Variants in TMEM132B observed in about 807,000 individuals in gnomAD.
TMEM132B encodes transmembrane protein 132B.
A neutral mutation model predicts 90.8 loss-of-function variants in TMEM132B; 18 were observed. The observed-to-expected ratio is 0.20, with a 90% CI of 0.14 to 0.29. The LOEUF is 0.29. Ranked by LOEUF, TMEM132B falls within the 10% of genes least tolerant of loss-of-function variation. The pLI, the probability that TMEM132B is intolerant of heterozygous loss-of-function variation, is 1.00. For missense variants in TMEM132B, 1,096 were observed against 1,326.8 expected (o/e 0.83, Z 2.70); for synonymous variants, 504 against 523.3 (o/e 0.96, Z 0.50).
At chr12:125,539,024 C>T (rs1034955243) in intron 4 of TMEM132B, among the ~76,000 whole-genome samples, 1 of 152,180 alleles carries the variant, frequency 6.6e-6, no homozygotes. Context: ...CTGTCCTGGC[C>T]TCCTGCCTGG....
In TMEM132B at chr12:125,406,461, G is replaced by A. The variant is rs571608937; in HGVS notation, c.960-9070G>A. 9.8e-5 allele frequency among the ~76,000 whole-genome samples: 15 copies of A among 152,316 alleles called. No individual in the cohort carries two copies. The highest frequency in any genetic ancestry group is 2.1e-4 in the Non-Finnish European group (14 of 68,026). ...TGAAATGGGTACCGGGGAAAGGTGA[G>A]CCACAGTCTCAGTCTGTGGCCAAAA... On this transcript the variant is annotated intron_variant, in intron 2 of 8. Coordinates refer to ENST00000682704, the MANE Select transcript of TMEM132B (RefSeq NM_001366854.1). The surrounding 1 kb of genome is among the most constrained non-coding windows in gnomAD (Gnocchi z 8.3).
chr12:125,583,079 A>G (rs1055354670), intron 4 of TMEM132B, among the ~76,000 whole-genome samples: 24 of 152,336 alleles, frequency 1.6e-4, no homozygotes, highest in Admixed American at 5.9e-4. Context: ...TTTTGTTGTA[A>G]AGAGAATGAA....
chr12:125,589,230 C>T (rs1338337095), intron 5 of TMEM132B, among the ~76,000 whole-genome samples: 2 of 151,962 alleles, frequency 1.3e-5, no homozygotes, highest in East Asian at 3.9e-4. Context: ...CGCCTGTAAT[C>T]CCAGCACTTT....
chr12:125,621,422 A>G (rs1052480528), intron 5 of TMEM132B, among the ~76,000 whole-genome samples: 1 of 152,118 alleles, frequency 6.6e-6, no homozygotes, highest in Non-Finnish European at 1.5e-5. Flanking sequence ...TGTTAGGTGC[A>G]TGTTGGTGGG....
At chr12:125,376,160 C>T (rs918575349) in intron 2 of TMEM132B, among the ~76,000 whole-genome samples, 1 of 152,194 alleles carries the variant, frequency 6.6e-6, no homozygotes, top group Admixed American at 6.5e-5. Flanking sequence ...AAATGAGAGC[C>T]CACATCCCAG....
chr12:125,633,375 T>G (rs777214697), intron 5 of TMEM132B, among the ~76,000 whole-genome samples: 1 of 152,264 alleles, frequency 6.6e-6, no homozygotes, highest in Non-Finnish European at 1.5e-5. Flanking sequence ...CTATTTTGAA[T>G]TCTGTGTCTG....
chr12:125,658,757 C>A lies in TMEM132B; in HGVS notation c.*4047C>A, dbSNP rs1278770199. 1.3e-5 allele frequency: 2 copies of A among 152,106 alleles called. No individual in the cohort carries two copies. The highest frequency in any genetic ancestry group is 2.9e-5 in the Non-Finnish European group (2 of 68,016). The allele number at this position is 152,106 out of a possible 1,614,324, so 9.4% of individuals were successfully genotyped here. A position where few individuals can be genotyped will look rare whatever the true frequency, so the allele number is the denominator to read the frequency against. ...CTTTTAAATGTACAGACATCCCACT[C>A]AAAAATATCTAAACTGATAGTGGGA... On this transcript the variant is annotated 3_prime_UTR_variant, in exon 9 of 9. Transcript: ENST00000682704.
At chr12:125,617,344 C>CT (rs772003323) in intron 5 of TMEM132B, among the ~76,000 whole-genome samples, 707 of 135,154 alleles carry the variant, frequency 5.2e-3, no homozygotes, top group East Asian at 0.012. Context: ...TTTCACTGCC[C>CT]TTTTTTTTTT....
chr12:125,339,091 T>C (rs1203024357), intron 1 of TMEM132B, among the ~76,000 whole-genome samples: 1 of 152,184 alleles, frequency 6.6e-6, no homozygotes, highest in Non-Finnish European at 1.5e-5. Context: ...CATGGGCAAC[T>C]TGACCATATG....
intron 1 of TMEM132B, among the ~76,000 whole-genome samples, chr12:125,340,673 G>A (rs536396219): frequency 1.3e-5 from 2 of 152,282 alleles, no homozygotes; most frequent in South Asian, 2.1e-4. Context: ...TAAAAGCCTT[G>A]CCTGGTTTGG....
intron 3 of TMEM132B, among the ~76,000 whole-genome samples, chr12:125,473,990 A>G (rs1881790123): frequency 1.3e-5 from 2 of 151,518 alleles, no homozygotes; most frequent in Non-Finnish European, 2.9e-5. Flanking sequence ...TTTTTAAACT[A>G]ATTCCAAGAT....
rs1229779781 is a variant in TMEM132B, at chr12:125,445,175, T to C, written c.1106+29498T>C. Among the ~76,000 whole-genome samples the C allele has an allele frequency of 6.6e-6, 1 of 152,192 alleles. No homozygotes were observed. Among genetic ancestry groups the C allele is most frequent in the Non-Finnish European group, 1.5e-5 (1 of 68,042 alleles). On this transcript the variant is annotated intron_variant, in intron 3 of 8. Transcript: ENST00000682704. This position sits in a 1 kb window ranked among gnomAD's most constrained non-coding sequence, Gnocchi z 4.3. ...CCTCTCCAATGGAAAAAAAAAACTTTTCAGATATTTATTAATCATTTGTAT... is the reference window on the plus strand; with the variant it reads ...CCTCTCCAATGGAAAAAAAAAACTTCTCAGATATTTATTAATCATTTGTAT...
At chr12:125,574,714 G>T (rs781014840) in intron 4 of TMEM132B, among the ~76,000 whole-genome samples, 1 of 151,966 alleles carries the variant, frequency 6.6e-6, no homozygotes, top group African/African-American at 2.4e-5. Flanking sequence ...GTCAAAAAGG[G>T]TGTTGAAGAT....
intron 1 of TMEM132B, among the ~76,000 whole-genome samples, chr12:125,230,591 T>C (rs11836944): frequency 0.037 from 5,652 of 151,624 alleles, 131 homozygotes; most frequent in Non-Finnish European, 0.049. Flanking sequence ...TGCCATTCTC[T>C]TGCCTCAGCC....
chr12:125,480,607 G>A (rs1434743325), intron 3 of TMEM132B, among the ~76,000 whole-genome samples: 1 of 152,154 alleles, frequency 6.6e-6, no homozygotes, highest in Admixed American at 6.5e-5. Flanking sequence ...TGAAATTGAG[G>A]CAATAATTAA....
intron 1 of TMEM132B, among the ~76,000 whole-genome samples, chr12:125,325,299 C>T (rs773167550): frequency 6.6e-6 from 1 of 152,080 alleles, no homozygotes; most frequent in African/African-American, 2.4e-5. Context: ...TTTGATGCCC[C>T]TAGAATGCAT....
chr12:125,567,884 TACAC>T (rs1449849486), intron 4 of TMEM132B, among the ~76,000 whole-genome samples: 1 of 152,130 alleles, frequency 6.6e-6, no homozygotes, highest in Non-Finnish European at 1.5e-5. Flanking sequence ...AATTAGAGAA[TACAC>T]ACGTAATTAT....
chr12:125,599,687 T>G (rs1885526618), intron 5 of TMEM132B, among the ~76,000 whole-genome samples: 1 of 152,146 alleles, frequency 6.6e-6, no homozygotes, highest in South Asian at 2.1e-4. Flanking sequence ...AGTTTTTGTT[T>G]TAGATGTTAA....
At chr12:125,210,533 ACAGGAGGCAGACTC>A (rs1283478496) in intron 1 of TMEM132B, among the ~76,000 whole-genome samples, 41 of 152,002 alleles carry the variant, frequency 2.7e-4, no homozygotes, top group African/African-American at 9.7e-4. Context: ...CTGTTGTGGT[ACAGGAGGCAGACTC>A]ATGTGGGTAG....
Sources: gnomAD v4.1 joint callset for allele counts (sites outside exome capture counted in the v4.1 genomes callset) on GRCh38, gnomAD v4.1.1 for gene constraint, Gnocchi (gnomAD v3.1) non-coding constraint, MANE v1.5 for transcripts, NCBI Gene and HGNC (gene_info 2026-07-23, HGNC 2026-07-21) for gene names.